Variants in CD82 observed in about 807,000 individuals in gnomAD.
CD82 encodes the protein CD82 antigen.
Under a neutral mutation model 37.4 loss-of-function variants are expected in CD82, and 36 were observed. The ratio of observed to expected loss-of-function variants is 0.96; its 90% CI spans 0.74 to 1.27. CD82 has a LOEUF of 1.27. Among genes scored for constraint, CD82 ranks in the 50% most tolerant of loss-of-function variants. The pLI, the probability that CD82 is intolerant of heterozygous loss-of-function variation, is 0.00. For missense variants in CD82, 340 were observed against 347.0 expected, an observed-to-expected ratio of 0.98 and a Z score of 0.16; for synonymous variants, 158 against 137.4, an observed-to-expected ratio of 1.15 and a Z score of -1.05.
chr11:44,595,203 A>T (rs1175747072), intron 3 of CD82, among the ~76,000 whole-genome samples: 1 of 151,944 alleles, frequency 6.6e-6, no homozygotes, highest in Non-Finnish European at 1.5e-5. Context: ...TAGGGAGAGC[A>T]AGAGGGCGCC....
chr11:44,592,798 G>A (rs1853164325), intron 2 of CD82, among the ~76,000 whole-genome samples: 2 of 152,124 alleles, frequency 1.3e-5, no homozygotes, highest in African/African-American at 4.8e-5. Flanking sequence ...GCAATTCTCA[G>A]ACCCAGGCCT....
At position 44,595,210 on chromosome 11, in the gene CD82, C is replaced by A. The variant is rs1042551541; in HGVS notation, c.63+485C>A. ...AGCTCTCATAGGGAGAGCAAGAGGG[C>A]GCCAGGCGTGGGGCCAGTGAAGGGC... On this transcript the variant is annotated intron_variant, in intron 3 of 9. Transcript: ENST00000227155. Among the ~76,000 whole-genome samples the A allele has an allele frequency of 9.9e-5, 15 of 152,092 alleles. No homozygotes were observed. The South Asian group carries it at 1.7e-3, about 17-fold the overall frequency.
intron 1 of CD82, among the ~76,000 whole-genome samples, chr11:44,568,163 G>T (rs542010382): frequency 6.6e-6 from 1 of 152,334 alleles, no homozygotes; most frequent in South Asian, 2.1e-4. Flanking sequence ...TACCAGATGT[G>T]CTGGGGTGGA....
rs1446306642 is a variant in CD82 at position 44,600,120 on chromosome 11, C to T, written c.64-38C>T. On this transcript the variant is annotated intron_variant, in intron 3 of 9. Coordinates refer to ENST00000227155, the MANE Select transcript of CD82 (RefSeq NM_002231.4). ...CAGCTGGCAGGGGGAGGGCTATCTGCTCTTGGCTCCCCATTAACTGCTCCC... is the reference window on the plus strand; with the variant it reads ...CAGCTGGCAGGGGGAGGGCTATCTGTTCTTGGCTCCCCATTAACTGCTCCC... 8 of 1,605,740 alleles carry T rather than the reference C, an allele frequency of 5.0e-6. No individual in the cohort carries two copies. The Admixed American group carries it at 1.3e-4, about 27-fold the overall frequency.
At chr11:44,571,404 C>A (rs1852812896) in intron 1 of CD82, among the ~76,000 whole-genome samples, 2 of 152,162 alleles carry the variant, frequency 1.3e-5, no homozygotes, top group African/African-American at 2.4e-5. Context: ...TTGTGTCTTA[C>A]CGCTCTGTGC....
chr11:44,585,933 G>A (rs1369340762), intron 1 of CD82, among the ~76,000 whole-genome samples: 1 of 152,188 alleles, frequency 6.6e-6, no homozygotes, highest in African/African-American at 2.4e-5. Flanking sequence ...GAGCCTTGAG[G>A]CAGTCCAGGT....
intron 1 of CD82, among the ~76,000 whole-genome samples, chr11:44,586,434 A>G (rs1220013588): frequency 1.3e-5 from 2 of 152,200 alleles, no homozygotes; most frequent in African/African-American, 4.8e-5. Flanking sequence ...AAAGGAGATT[A>G]AAATCCTTAC....
intron 4 of CD82, among the ~76,000 whole-genome samples, chr11:44,603,083 G>A (rs1853331659): frequency 6.6e-6 from 1 of 152,188 alleles, no homozygotes; most frequent in Non-Finnish European, 1.5e-5. Context: ...AGTAATCACT[G>A]GGAGGAATTG....
At chr11:44,610,158 C>T (rs1853459726) in intron 6 of CD82, among the ~76,000 whole-genome samples, 1 of 152,210 alleles carries the variant, frequency 6.6e-6, no homozygotes, top group Non-Finnish European at 1.5e-5. Context: ...GTCTGCACAG[C>T]ACCCCAAGGG....
intron 1 of CD82, among the ~76,000 whole-genome samples, chr11:44,579,511 A>G (rs938487781): frequency 2.6e-5 from 4 of 151,732 alleles, no homozygotes; most frequent in Admixed American, 1.3e-4. Context: ...GGCTCCCTTC[A>G]CCCTTGAGTC....
chr11:44,584,740 G>T (rs1853029011), intron 1 of CD82, among the ~76,000 whole-genome samples: 1 of 152,114 alleles, frequency 6.6e-6, no homozygotes, highest in Admixed American at 6.5e-5. Flanking sequence ...AAATAAGATA[G>T]TGAGAGGTCA....
intron 4 of CD82, 190 bp from the exon 5 acceptor site, chr11:44,604,868 A>G: frequency 2.9e-6 from 2 of 693,040 alleles, no homozygotes; most frequent in Admixed American, 2.5e-5. Flanking sequence ...TTGCAATTTT[A>G]CTGGGGGAGG....
In CD82 at chr11:44,600,231, G is replaced by A. The variant is rs1444820250; in HGVS notation, c.136+1G>A. The A allele has an allele frequency of 5.0e-6, 8 of 1,613,570 alleles. No individual in the cohort carries two copies. The highest frequency in any genetic ancestry group is 1.6e-4 in the Middle Eastern group (1 of 6,084). On this transcript the variant is annotated splice_donor_variant, in intron 4 of 9. Transcript: ENST00000227155. LOFTEE classifies it high-confidence loss of function. ...AAGAGCAGTTTCATCTCTGTCCTGC[G>A]TAAGGACCCCTCAGCTTCCCCAGAC... is the stretch of plus-strand genomic sequence containing the variant.
intron 7 of CD82, among the ~76,000 whole-genome samples, chr11:44,617,298 C>T (rs1345580360): frequency 6.6e-6 from 1 of 152,216 alleles, no homozygotes; most frequent in African/African-American, 2.4e-5. Flanking sequence ...GTGGCTCACA[C>T]CTGTAATCCC....
intron 1 of CD82, among the ~76,000 whole-genome samples, chr11:44,566,770 G>A (rs1032805055): frequency 6.6e-6 from 1 of 152,124 alleles, no homozygotes; most frequent in African/African-American, 2.4e-5. Context: ...CAGGTGATGG[G>A]CTTGCTTCCT....
At chr11:44,605,013 T>C (rs2134673549) in intron 4 of CD82, 45 bp from the exon 5 acceptor site, 1 of 1,614,044 alleles carries the variant, frequency 6.2e-7, no homozygotes, top group Non-Finnish European at 8.5e-7. Flanking sequence ...GCCAGGTGTT[T>C]ATACCTGCTG....
intron 1 of CD82, among the ~76,000 whole-genome samples, chr11:44,570,795 T>A (rs1026814293): frequency 6.6e-6 from 1 of 152,242 alleles, no homozygotes; most frequent in African/African-American, 2.4e-5. Flanking sequence ...TGGCCTTTAG[T>A]GAACTCTGAC....
rs763141770 is a variant in CD82, at chr11:44,618,729, A to G, written c.726+6A>G. 2 of 1,609,326 alleles carry G rather than the reference A, an allele frequency of 1.2e-6. No homozygotes were observed. Among genetic ancestry groups the G allele is most frequent in the East Asian group, 2.2e-5 (1 of 44,742 alleles). On this transcript the variant is annotated splice_donor_region_variant and intron_variant, in intron 9 of 9. Coordinates refer to ENST00000227155, the MANE Select transcript of CD82 (RefSeq NM_002231.4). ...TGGGTGTGGCCATCATCGAGGTCTG[A>G]GCCCCCTCCCCCATCCCTTCTCCAT... is the stretch of plus-strand genomic sequence containing the variant.
At chr11:44,588,008 A>C in intron 2 of CD82, 1 of 217,914 alleles carries the variant, frequency 4.6e-6, no homozygotes, top group Non-Finnish European at 9.5e-6. Flanking sequence ...ATGCAGCAAT[A>C]TTTGTTGGGA....
Sources: gnomAD v4.1 joint callset for allele counts (sites outside exome capture counted in the v4.1 genomes callset) on GRCh38, gnomAD v4.1.1 for gene constraint, MANE v1.5 for transcripts, NCBI Gene and HGNC (gene_info 2026-07-23, HGNC 2026-07-21) for gene names.